The following OTOGL variants were observed in gnomAD, a reference collection of about 807,000 sequenced individuals.
OTOGL encodes otogelin like.
A neutral mutation model predicts 318.5 loss-of-function variants in OTOGL; 285 were observed. That is an observed-to-expected ratio of 0.89 (90% CI 0.81 to 0.99). The LOEUF (loss-of-function observed/expected upper bound fraction) is 0.99, where lower values mean the gene tolerates loss of function less well. OTOGL is among the 50% of genes least tolerant of loss of function. The probability of loss-of-function intolerance (pLI) is 0.00; values close to 1 mark genes in which losing one functional copy is unlikely to be tolerated. For synonymous variants in OTOGL, 987 were observed against 936.5 expected, an observed-to-expected ratio of 1.05 and a Z score of -0.99; for missense variants, 2,899 against 2,845.6, an observed-to-expected ratio of 1.02 and a Z score of -0.43.
chr12:80,147,542 G>T (rs1028233042), intron 1 of OTOGL, among the ~76,000 whole-genome samples: 1 of 151,802 alleles, frequency 6.6e-6, no homozygotes, highest in Non-Finnish European at 1.5e-5. Context: ...GTGATTTGGG[G>T]TGGAGAGTTC....
At chr12:80,110,053 T>G (rs1017863979) in intron 1 of OTOGL, among the ~76,000 whole-genome samples, 2 of 149,472 alleles carry the variant, frequency 1.3e-5, no homozygotes, top group African/African-American at 4.9e-5. Context: ...ACATTAGTTT[T>G]TTTTTCTTTC....
intron 47 of OTOGL, 37 bp downstream of exon 47, chr12:80,355,985 CAA>C (rs1566010643): frequency 6.3e-7 from 1 of 1,576,566 alleles, no homozygotes; most frequent in Non-Finnish European, 8.7e-7. Context: ...ATTGATTCCA[CAA>C]AATATGTTGA....
At chr12:80,350,414 T>C (rs900738649) in intron 44 of OTOGL, among the ~76,000 whole-genome samples, 18 of 152,222 alleles carry the variant, frequency 1.2e-4, no homozygotes, top group Admixed American at 9.8e-4. Flanking sequence ...CCTTTGGATA[T>C]GTACGTAGTA....
At position 80,222,264 on chromosome 12, in the gene OTOGL, T is replaced by C. The variant is rs1878422882; in HGVS notation, c.489+19T>C. ...TGTATGGGTAGGTGATTGTAGGACA[T>C]GATTAACTTAAAAATATTATCTCTG... On this transcript the variant is annotated intron_variant, in intron 7 of 58. Coordinates refer to ENST00000547103, the MANE Select transcript of OTOGL (RefSeq NM_001378609.3). 6.5e-7 allele frequency: 1 copy of C among 1,546,166 alleles called. No individual in the cohort carries two copies. The highest frequency in any genetic ancestry group is 8.7e-7 in the Non-Finnish European group (1 of 1,148,178).
At chr12:80,220,521 T>G (rs1878208174) in intron 6 of OTOGL, among the ~76,000 whole-genome samples, 1 of 143,994 alleles carries the variant, frequency 6.9e-6, no homozygotes, top group African/African-American at 2.5e-5. Flanking sequence ...AACAGATTTA[T>G]TATTTGGAGC....
rs1454537051 is a variant in OTOGL at position 80,233,000 on chromosome 12, G to A, written c.720G>A (p.Gly240=). 1.3e-6 allele frequency: 2 copies of A among 1,598,612 alleles called. No homozygotes were observed. Among genetic ancestry groups the A allele is most frequent in the African/African-American group, 2.7e-5 (2 of 74,900 alleles). Residue 240 remains glycine, a synonymous_variant, in exon 9 of 59, where the codon GGG becomes GGA. Transcript: ENST00000547103. The part of the protein sequence containing the change: ...GFSLAWDGIS[G]IYLKLSEDHK... ...CATTGGCTTGGGACGGGATATCTGG[G>A]ATCTACCTCAAGCTGTCTGAGGACC...
At position 80,367,545 on chromosome 12, in the gene OTOGL, T is replaced by C; in HGVS notation, c.6332-16T>C. The C allele has an allele frequency of 6.8e-7, 1 of 1,466,148 alleles. No individual in the cohort carries two copies. The highest frequency in any genetic ancestry group is 9.2e-7 in the Non-Finnish European group (1 of 1,086,316). The allele number at this position is 1,466,148 out of a possible 1,614,324, so 90.8% of individuals were successfully genotyped here. On this transcript the variant is annotated splice_polypyrimidine_tract_variant and intron_variant, in intron 53 of 58. Transcript: ENST00000547103. ...CAACAGTATATTTTCTTATTGACTA[T>C]GTTTTCTGTTCTTAGAAAAGGATGA...
chr12:80,278,614 A>G (rs933581516), intron 25 of OTOGL, among the ~76,000 whole-genome samples: 1 of 151,618 alleles, frequency 6.6e-6, no homozygotes, highest in African/African-American at 2.4e-5. Context: ...TCAAAAGAAT[A>G]CCATAAAATA....
intron 11 of OTOGL, among the ~76,000 whole-genome samples, chr12:80,246,907 G>T (rs1231662317): frequency 2.8e-5 from 1 of 35,190 alleles, no homozygotes; most frequent in Admixed American, 2.8e-4. Context: ...TGTATGTGTC[G>T]AGGAATGTAT....
chr12:80,207,508 AC>A (rs1372723453), intron 1 of OTOGL, among the ~76,000 whole-genome samples: 1 of 152,134 alleles, frequency 6.6e-6, no homozygotes, highest in African/African-American at 2.4e-5. Context: ...CCCAGCCCTG[AC>A]TTTTGGAAAT....
chr12:80,166,987 T>C (rs948050371), intron 1 of OTOGL, among the ~76,000 whole-genome samples: 5 of 152,288 alleles, frequency 3.3e-5, no homozygotes, highest in Admixed American at 1.3e-4. Context: ...GCAGAATGAA[T>C]TTCGGGGAGG....
At chr12:80,374,867 G>C (rs1322120512) in intron 57 of OTOGL, among the ~76,000 whole-genome samples, 2 of 152,100 alleles carry the variant, frequency 1.3e-5, no homozygotes, top group Non-Finnish European at 2.9e-5. Context: ...ACTCTATTAA[G>C]CACATTGCTG....
chr12:80,296,379 T>C (rs887483156), intron 26 of OTOGL, among the ~76,000 whole-genome samples: 2 of 152,236 alleles, frequency 1.3e-5, no homozygotes, highest in African/African-American at 4.8e-5. Flanking sequence ...TTTTATTTAC[T>C]AACAAATACC....
Position 80,369,776 on chromosome 12 carries a change from C to A in OTOGL, c.6616-794C>A, listed in dbSNP as rs554188304. On this transcript the variant is annotated intron_variant, in intron 55 of 58. Coordinates refer to ENST00000547103, the MANE Select transcript of OTOGL (RefSeq NM_001378609.3). ...GAGAAGGCCTAGAACAACATGCCCC[C>A]ACCATGGCCAACCGTCTTGAAATAA... Among the ~76,000 whole-genome samples, 3 of 152,058 alleles carry A rather than the reference C, an allele frequency of 2.0e-5. No individual in the cohort carries two copies. The South Asian group carries it at 6.2e-4, about 32-fold the overall frequency.
chr12:80,266,603 T>A lies in OTOGL; in HGVS notation c.2377T>A (p.Phe793Ile). Residue 793 changes from phenylalanine to isoleucine, a missense_variant, in exon 21 of 59, where the codon TTT becomes ATT. Phe to Ile is a conservative substitution (Grantham distance 21). This residue lies in a region of OTOGL where 2,607 missense variants were observed against 2,524.9 expected (regional missense o/e 1.03). Coordinates refer to ENST00000547103, the MANE Select transcript of OTOGL (RefSeq NM_001378609.3). ...CAAATTCTATGAAGACACTCTTAACTTTTGTGTACCCATGTAAGTCGTAGA... is the reference window on the plus strand; with the variant it reads ...CAAATTCTATGAAGACACTCTTAACATTTGTGTACCCATGTAAGTCGTAGA... ...EGKFYEDTLN[F>I]CVPIFHCRCH... The A allele has an allele frequency of 1.2e-6, 2 of 1,613,352 alleles. No individual in the cohort carries two copies. Among genetic ancestry groups the A allele is most frequent in the Non-Finnish European group, 1.7e-6 (2 of 1,179,590 alleles).
chr12:80,353,628 G>C, intron 46 of OTOGL, 118 bp downstream of exon 46: 1 of 825,848 alleles, frequency 1.2e-6, no homozygotes. Flanking sequence ...TGTTGGAAAG[G>C]AAATGAGTTT....
At chr12:80,304,445 G>C (rs1308245100) in intron 28 of OTOGL, among the ~76,000 whole-genome samples, 1 of 152,090 alleles carries the variant, frequency 6.6e-6, no homozygotes, top group Non-Finnish European at 1.5e-5. Flanking sequence ...AATTGAGACT[G>C]AGACTCATGG....
chr12:80,333,091 A>C lies in OTOGL; in HGVS notation c.4422+13A>C. 1.3e-6 allele frequency: 2 copies of C among 1,568,308 alleles called. No homozygotes were observed. Among genetic ancestry groups the C allele is most frequent in the Non-Finnish European group, 1.7e-6 (2 of 1,147,104 alleles). ...CTTGGAATGTGAGGTATGACTGAGC[A>C]ATATCTTCCAGCTCTTTGTCATTTC... On this transcript the variant is annotated intron_variant, in intron 38 of 58. Transcript: ENST00000547103.
intron 1 of OTOGL, among the ~76,000 whole-genome samples, chr12:80,105,533 G>A (rs1016900713): frequency 2.6e-5 from 4 of 152,198 alleles, no homozygotes; most frequent in Non-Finnish European, 5.9e-5. Flanking sequence ...TATTGTTCTT[G>A]GGCAGTATCT....
Sources: allele counts gnomAD v4.1 joint callset (sites outside exome capture counted in the v4.1 genomes callset), GRCh38; gene constraint gnomAD v4.1.1; regional missense constraint gnomAD v4.1.1; transcripts MANE v1.5; gene names NCBI Gene and HGNC (gene_info 2026-07-23, HGNC 2026-07-21).